Variants in ZNF665 observed in about 807,000 individuals in gnomAD.
The protein encoded by ZNF665 is zinc finger protein 665.
In ZNF665, 6 loss-of-function variants were observed where a neutral mutation model predicts 7.9. That is an observed-to-expected ratio of 0.76 (90% CI 0.42 to 1.50). The LOEUF (loss-of-function observed/expected upper bound fraction) is 1.50, where lower values mean the gene tolerates loss of function less well. ZNF665 is among the 40% of genes most tolerant of loss of function. The pLI, the probability that ZNF665 is intolerant of heterozygous loss-of-function variation, is 0.01. For missense variants in ZNF665, 819 were observed against 806.7 expected (o/e 1.02, Z -0.18); for synonymous variants, 242 against 274.5 (o/e 0.88, Z 1.17).
At chr19:53,174,810 A>C (rs2090683802) in intron 3 of ZNF665, among the ~76,000 whole-genome samples, 1 of 151,966 alleles carries the variant, frequency 6.6e-6, no homozygotes, top group Non-Finnish European at 1.5e-5. Context: ...ATGGTGGCTA[A>C]AGCCTGTAAT....
At chr19:53,174,619 G>C (rs2090682592) in intron 3 of ZNF665, among the ~76,000 whole-genome samples, 1 of 151,942 alleles carries the variant, frequency 6.6e-6, no homozygotes. Context: ...ATAATACTCA[G>C]ATCAAAAGGA....
intron 2 of ZNF665, among the ~76,000 whole-genome samples, chr19:53,178,196 A>C (rs2146866478): frequency 6.6e-6 from 1 of 152,354 alleles, no homozygotes; most frequent in African/African-American, 2.4e-5. Context: ...AAGGGTGGTC[A>C]TTTTGGAAGA....
intron 3 of ZNF665, among the ~76,000 whole-genome samples, chr19:53,172,343 C>A (rs1239317190): frequency 6.6e-6 from 1 of 151,910 alleles, no homozygotes; most frequent in African/African-American, 2.4e-5. Context: ...GAGAAATTTC[C>A]ACATAATTTT....
Position 53,165,506 on chromosome 19 carries a change from A to G in ZNF665, c.984T>C (p.Ser328=). ...YKCNECGKAF[S]VRSSLTTHQT... ...GATGGGTAGTCAGGCTTGAGCGAAC[A>G]CTAAAGGCTTTGCCACACTCATTAC... The change falls in exon 4 of 4, where the codon AGT becomes AGC. Residue 328 remains serine, a synonymous_variant. Coordinates refer to ENST00000396424, the MANE Select transcript of ZNF665 (RefSeq NM_024733.5). 6.2e-7 allele frequency: 1 copy of G among 1,613,730 alleles called. No homozygotes were observed.
At position 53,171,977 on chromosome 19, in the gene ZNF665, C is replaced by A. The variant is rs180891916; in HGVS notation, c.142+3468G>T. Among the ~76,000 whole-genome samples, 33 of 152,222 alleles carry A rather than the reference C, an allele frequency of 2.2e-4. 1 individual carries two copies. In the East Asian group the frequency reaches 4.7e-3, roughly 22 times the overall value. ...ACCATGTTGGCCAGCTGGTCTCGAA[C>A]TCCTGACCTCAGGTGATCCACACAC... On this transcript the variant is annotated intron_variant, in intron 3 of 3. Transcript: ENST00000396424.
chr19:53,184,290 C>T (rs529238907), intron 1 of ZNF665, among the ~76,000 whole-genome samples: 2 of 152,216 alleles, frequency 1.3e-5, no homozygotes, highest in East Asian at 3.9e-4. Context: ...ATTTTTAAAA[C>T]ACTGGATTTC....
chr19:53,175,253 C>T (rs2090688004), intron 3 of ZNF665, among the ~76,000 whole-genome samples, 192 bp downstream of exon 3: 1 of 152,130 alleles, frequency 6.6e-6, no homozygotes, highest in African/African-American at 2.4e-5. Flanking sequence ...TAAAACTCTC[C>T]ACAAAGTGGG....
chr19:53,182,734 G>A (rs1015129540), intron 2 of ZNF665, 150 bp downstream of exon 2: 5 of 1,353,334 alleles, frequency 3.7e-6, no homozygotes, highest in Non-Finnish European at 5.2e-6. Flanking sequence ...TGGAATCTAA[G>A]TGAGATGAGA....
At chr19:53,189,253 C>T (rs551142700) in intron 1 of ZNF665, among the ~76,000 whole-genome samples, 9 of 152,044 alleles carry the variant, frequency 5.9e-5, no homozygotes, top group Admixed American at 2.0e-4. Context: ...TCCCCGTGTG[C>T]AGCGACGAGA....
intron 3 of ZNF665, among the ~76,000 whole-genome samples, chr19:53,173,671 C>A (rs933422342): frequency 6.6e-6 from 1 of 152,036 alleles, no homozygotes; most frequent in African/African-American, 2.4e-5. Context: ...CCGCATCTAG[C>A]ATTTTTTACT....
chr19:53,168,387 C>T (rs528628000), intron 3 of ZNF665, among the ~76,000 whole-genome samples: 29 of 152,028 alleles, frequency 1.9e-4, no homozygotes, highest in South Asian at 1.7e-3. Context: ...GAGAAAAGTC[C>T]GACAGCAGAT....
rs561676302 is a variant in ZNF665 at position 53,183,222 on chromosome 19, G to A, written c.-45-279C>T. On this transcript the variant is annotated intron_variant, in intron 1 of 3. Coordinates refer to ENST00000396424, the MANE Select transcript of ZNF665 (RefSeq NM_024733.5). ...ACAGGCTGCAGCAGTGGGGAGCTGG[G>A]CTGGAATGAGCTTCTGTTCGGGGCA... 8.5e-5 allele frequency among the ~76,000 whole-genome samples: 13 copies of A among 152,254 alleles called. No homozygotes were observed. The East Asian group carries it at 1.5e-3, about 18-fold the overall frequency.
chr19:53,165,356 C>A lies in ZNF665; in HGVS notation c.1134G>T (p.Glu378Asp), dbSNP rs746996904. 5.6e-6 allele frequency: 9 copies of A among 1,614,098 alleles called. No individual in the cohort carries two copies. The highest frequency in any genetic ancestry group is 7.6e-6 in the Non-Finnish European group (9 of 1,179,978). Residue 378 changes from glutamate to aspartate, a missense_variant, in exon 4 of 4, where the codon GAG becomes GAT. Glu to Asp is a conservative substitution (Grantham distance 45). Transcript: ENST00000396424. Reference sequence around the variant, plus strand: ...AATGCATACTGAAGGCTTTCCCACACTCATTACACTTGTAAGGTTTCTCAC... The same window carrying A: ...AATGCATACTGAAGGCTTTCCCACAATCATTACACTTGTAAGGTTTCTCAC... ...HTGEKPYKCNECGKAFSMHSN... is the reference protein window; with the variant it reads ...HTGEKPYKCNDCGKAFSMHSN...
At chr19:53,184,819 A>T in intron 1 of ZNF665, among the ~76,000 whole-genome samples, 1 of 151,440 alleles carries the variant, frequency 6.6e-6, no homozygotes, top group Non-Finnish European at 1.5e-5. Flanking sequence ...TACAAGACAA[A>T]GGGGCAGGAT....
chr19:53,178,491 A>C (rs1317395236), intron 2 of ZNF665, among the ~76,000 whole-genome samples: 2 of 152,226 alleles, frequency 1.3e-5, no homozygotes, highest in African/African-American at 4.8e-5. Context: ...TGGGAGGCCA[A>C]GGCAGGCAGA....
chr19:53,168,430 A>G (rs2090634159), intron 3 of ZNF665, among the ~76,000 whole-genome samples: 1 of 152,198 alleles, frequency 6.6e-6, no homozygotes, highest in Non-Finnish European at 1.5e-5. Flanking sequence ...ACTATAAAAT[A>G]TTGCAGAGAG....
chr19:53,188,474 C>T (rs369277289), intron 1 of ZNF665, among the ~76,000 whole-genome samples: 52 of 3,040 alleles, frequency 0.017, 19 homozygotes, highest in East Asian at 0.095. Context: ...CGCAGGCACT[C>T]GGCAGGCTGA....
chr19:53,179,142 G>A (rs910686002), intron 2 of ZNF665, among the ~76,000 whole-genome samples: 2 of 152,076 alleles, frequency 1.3e-5, no homozygotes, highest in African/African-American at 2.4e-5. Context: ...GGGAGGCCGA[G>A]GCGGGTGGAT....
chr19:53,189,192 A>G (rs1446276317), intron 1 of ZNF665, among the ~76,000 whole-genome samples: 5 of 151,966 alleles, frequency 3.3e-5, no homozygotes, highest in Non-Finnish European at 7.4e-5. Flanking sequence ...ACTGTGGTGC[A>G]AAACTGAAGA....
Sources: gnomAD v4.1 joint callset for allele counts (sites outside exome capture counted in the v4.1 genomes callset) on GRCh38, gnomAD v4.1.1 for gene constraint, MANE v1.5 for transcripts, NCBI Gene and HGNC (gene_info 2026-07-23, HGNC 2026-07-21) for gene names.